Variants in PRKCA observed in about 807,000 individuals in gnomAD.
The protein encoded by PRKCA is protein kinase C alpha, also known as protein kinase C alpha type.
In PRKCA, 27 loss-of-function variants were observed where a neutral mutation model predicts 87.0. The ratio of observed to expected loss-of-function variants is 0.31; its 90% confidence interval spans 0.23 to 0.43. The LOEUF is 0.43. Among genes scored for constraint, PRKCA ranks in the 20% least tolerant of loss-of-function variants. PRKCA has a pLI of 1.00. For missense variants in PRKCA, 518 were observed against 852.3 expected, an observed-to-expected ratio of 0.61 and a Z score of 4.88; for synonymous variants, 329 against 311.1, an observed-to-expected ratio of 1.06 and a Z score of -0.61.
intron 3 of PRKCA, among the ~76,000 whole-genome samples, chr17:66,635,309 TG>T (rs1228348588): frequency 6.6e-6 from 1 of 152,186 alleles, no homozygotes; most frequent in Non-Finnish European, 1.5e-5. Flanking sequence ...CTTGGGCCAG[TG>T]GGGGCAGCTT....
At chr17:66,671,235 A>AAAAAAAC (rs1972174580) in intron 5 of PRKCA, among the ~76,000 whole-genome samples, 1 of 146,774 alleles carries the variant, frequency 6.8e-6, no homozygotes, top group Admixed American at 6.8e-5. Flanking sequence ...AAAAAAAAAG[A>AAAAAAAC]CTGAAAACAA....
At chr17:66,340,928 G>A (rs1907006391) in intron 2 of PRKCA, among the ~76,000 whole-genome samples, 1 of 152,116 alleles carries the variant, frequency 6.6e-6, no homozygotes, top group Non-Finnish European at 1.5e-5. Context: ...CCAGGAGTCA[G>A]CCCAAGGAGA....
intron 14 of PRKCA, among the ~76,000 whole-genome samples, chr17:66,785,942 C>T (rs1431613262): frequency 6.6e-6 from 1 of 152,226 alleles, no homozygotes; most frequent in South Asian, 2.1e-4. Flanking sequence ...CATTCTCCTG[C>T]CTCAGCCTCC....
chr17:66,526,720 A>G (rs1967358777), intron 3 of PRKCA, among the ~76,000 whole-genome samples: 1 of 152,174 alleles, frequency 6.6e-6, no homozygotes, highest in African/African-American at 2.4e-5. Flanking sequence ...GAGGAATTTC[A>G]AAGTCATATG....
intron 4 of PRKCA, 45 bp from the exon 5 acceptor site, chr17:66,645,338 T>G: frequency 6.2e-7 from 1 of 1,612,852 alleles, no homozygotes; most frequent in African/African-American, 1.3e-5. Context: ...GAGCGGTGGT[T>G]GGAGTCCATA....
At chr17:66,698,820 A>AG (rs1972991995) in intron 8 of PRKCA, among the ~76,000 whole-genome samples, 1 of 59,072 alleles carries the variant, frequency 1.7e-5, no homozygotes, top group African/African-American at 7.8e-5. Flanking sequence ...CTAAAAATAC[A>AG]AAAAAAAAAA....
chr17:66,539,024 CTG>C (rs1355337264), intron 3 of PRKCA, among the ~76,000 whole-genome samples: 4 of 152,190 alleles, frequency 2.6e-5, no homozygotes, highest in Admixed American at 6.5e-5. Flanking sequence ...ATCTTCGGAA[CTG>C]TGATGAAAAG....
At chr17:66,711,929 C>A (rs1973340749) in intron 8 of PRKCA, among the ~76,000 whole-genome samples, 1 of 152,164 alleles carries the variant, frequency 6.6e-6, no homozygotes, top group Non-Finnish European at 1.5e-5. Context: ...AAAAAATATT[C>A]CTTGAGGTTT....
At chr17:66,444,244 T>C (rs1289681032) in intron 2 of PRKCA, among the ~76,000 whole-genome samples, 2 of 151,994 alleles carry the variant, frequency 1.3e-5, no homozygotes, top group African/African-American at 4.8e-5. Flanking sequence ...GAATAAAGAG[T>C]TGAACAGGGT....
intron 16 of PRKCA, among the ~76,000 whole-genome samples, chr17:66,798,417 T>TGGTGGTGGTGGTGACGGTGGTGAC (rs1975730989): frequency 1.9e-5 from 2 of 106,954 alleles, no homozygotes; most frequent in African/African-American, 7.2e-5. Context: ...ATGGTGATGG[T>TGGTGGTGGTGGTGACGGTGGTGAC]GGTGGTGGTG....
intron 2 of PRKCA, among the ~76,000 whole-genome samples, chr17:66,361,141 A>T (rs1368132336): frequency 6.6e-6 from 1 of 152,080 alleles, no homozygotes; most frequent in Non-Finnish European, 1.5e-5. Context: ...GGATGTTTCC[A>T]AGGAAAACTA....
intron 5 of PRKCA, among the ~76,000 whole-genome samples, chr17:66,667,113 G>T (rs533438711): frequency 1.2e-3 from 182 of 152,286 alleles, no homozygotes; most frequent in African/African-American, 4.0e-3. Context: ...CAAGCCGAAG[G>T]TCCCTGCCCA....
At chr17:66,543,202 G>A (rs1968042846) in intron 3 of PRKCA, among the ~76,000 whole-genome samples, 1 of 152,138 alleles carries the variant, frequency 6.6e-6, no homozygotes. Flanking sequence ...AGTGAATGGA[G>A]CTTAGTGTAT....
At chr17:66,363,651 T>G (rs1436291578) in intron 2 of PRKCA, among the ~76,000 whole-genome samples, 1 of 152,236 alleles carries the variant, frequency 6.6e-6, no homozygotes, top group Non-Finnish European at 1.5e-5. Context: ...TGCACTGTGC[T>G]AGCCACGGGG....
intron 2 of PRKCA, among the ~76,000 whole-genome samples, chr17:66,437,561 G>C (rs955959598): frequency 6.6e-6 from 1 of 151,956 alleles, no homozygotes; most frequent in Non-Finnish European, 1.5e-5. Flanking sequence ...CTGACAGATA[G>C]GGTGTCTTTT....
At chr17:66,396,055 T>TA (rs1567807302) in intron 2 of PRKCA, among the ~76,000 whole-genome samples, 111 of 50,944 alleles carry the variant, frequency 2.2e-3, no homozygotes, top group African/African-American at 4.7e-3. Flanking sequence ...TGGGTTTAAC[T>TA]GTTTTTTTTT....
intron 2 of PRKCA, among the ~76,000 whole-genome samples, chr17:66,404,690 T>G (rs4417581): frequency 0.84 from 124,057 of 148,432 alleles, 52,278 homozygotes; most frequent in South Asian, 0.94. Flanking sequence ...CCTTGGCTCC[T>G]CAGTCTCTGT....
chr17:66,606,103 A>C (rs1468036654), intron 3 of PRKCA, among the ~76,000 whole-genome samples: 2 of 152,164 alleles, frequency 1.3e-5, no homozygotes, highest in Non-Finnish European at 2.9e-5. Context: ...AAAAATAATT[A>C]ATGAGGCCAG....
At chr17:66,673,229 T>C (rs1357668882) in intron 5 of PRKCA, among the ~76,000 whole-genome samples, 1 of 152,238 alleles carries the variant, frequency 6.6e-6, no homozygotes, top group Admixed American at 6.5e-5. Context: ...AACATTGTTG[T>C]TTCTCATCTT....
Sources: gnomAD v4.1 joint callset for allele counts (sites outside exome capture counted in the v4.1 genomes callset) on GRCh38, gnomAD v4.1.1 for gene constraint, MANE v1.5 for transcripts, NCBI Gene and HGNC (gene_info 2026-07-23, HGNC 2026-07-21) for gene names.